Variants in SLA observed in about 807,000 individuals in gnomAD.
SLA encodes src-like-adapter.
Under a neutral mutation model 30.3 loss-of-function variants are expected in SLA, and 16 were observed. The observed-to-expected ratio is 0.53, with a 90% CI of 0.36 to 0.80. The LOEUF is 0.80. SLA is among the 30% of genes least tolerant of loss of function. The pLI is 0.01. For missense variants in SLA, 310 were observed against 345.2 expected (o/e 0.90, Z 0.81); for synonymous variants, 143 against 137.8 (o/e 1.04, Z -0.26).
At chr8:133,059,599 G>A (rs1006680080) in intron 3 of SLA, among the ~76,000 whole-genome samples, 3 of 152,034 alleles carry the variant, frequency 2.0e-5, no homozygotes, top group Non-Finnish European at 2.9e-5. Context: ...GGGACATAAG[G>A]TTTCCTTTGT....
At chr8:133,090,581 C>A (rs765190780) in intron 1 of SLA, among the ~76,000 whole-genome samples, 5 of 152,224 alleles carry the variant, frequency 3.3e-5, no homozygotes, top group African/African-American at 7.2e-5. Flanking sequence ...CGAGGAGTTT[C>A]ATCAAGTTAC....
chr8:133,046,565 AC>A (rs1839440306), intron 6 of SLA: 2 of 152,180 alleles, frequency 1.3e-5, no homozygotes, highest in South Asian at 4.1e-4. Flanking sequence ...GGCCTGCCAC[AC>A]CCACCCAGCC....
intron 3 of SLA, among the ~76,000 whole-genome samples, chr8:133,055,241 C>T (rs145168078): frequency 1.8e-4 from 27 of 152,180 alleles, no homozygotes; most frequent in African/African-American, 5.8e-4. Flanking sequence ...GGGAGCTGTA[C>T]AGCCCAGGGA....
chr8:133,093,119 G>GTTTTC (rs1171984030), intron 1 of SLA, among the ~76,000 whole-genome samples: 7 of 139,658 alleles, frequency 5.0e-5, no homozygotes, highest in South Asian at 2.2e-4. Flanking sequence ...GTGTGTGTGT[G>GTTTTC]TTTTCTTTTC....
At chr8:133,078,566 C>G (rs532589698) in intron 1 of SLA, among the ~76,000 whole-genome samples, 5 of 152,312 alleles carry the variant, frequency 3.3e-5, no homozygotes, top group South Asian at 2.1e-4. Context: ...ATTTTGTGCT[C>G]CATACATTCA....
intron 2 of SLA, chr8:133,064,221 G>A (rs527966941): frequency 1.2e-4 from 19 of 152,308 alleles, no homozygotes; most frequent in African/African-American, 3.8e-4. Flanking sequence ...TCCAAAGAGC[G>A]AGCCTGATAA....
At chr8:133,070,082 G>A (rs1044799488) in intron 2 of SLA, among the ~76,000 whole-genome samples, 1 of 151,900 alleles carries the variant, frequency 6.6e-6, no homozygotes, top group East Asian at 1.9e-4. Flanking sequence ...AACAATGTGG[G>A]CCTAGGAGAC....
Position 133,047,634 on chromosome 8 carries a change from C to T in SLA, c.352+196G>A, listed in dbSNP as rs776476166. On this transcript the variant is annotated intron_variant, in intron 6 of 8. Coordinates refer to ENST00000338087, the MANE Select transcript of SLA (RefSeq NM_001045556.3). ...GGCCCGTGGCAGTGCCCAGCCGGCT[C>T]CCCACTGCCTGTCTCTAGTCCCCTT... 8.3e-6 allele frequency: 5 copies of T among 599,152 alleles called. No homozygotes were observed. In the Admixed American group the frequency reaches 1.3e-4, roughly 16 times the overall value. The allele number at this position is 599,152 out of a possible 1,614,324, so 37.1% of individuals were successfully genotyped here. A position where few individuals can be genotyped will look rare whatever the true frequency, so the allele number is the denominator to read the frequency against.
chr8:133,095,338 G>T (rs1848243997), intron 1 of SLA: 2 of 1,274,278 alleles, frequency 1.6e-6, no homozygotes. Flanking sequence ...ACTGGAGCTG[G>T]AACTCACATT....
intron 3 of SLA, among the ~76,000 whole-genome samples, chr8:133,052,156 GCAGCCT>G (rs1840524672): frequency 6.6e-6 from 1 of 152,188 alleles, no homozygotes; most frequent in Non-Finnish European, 1.5e-5. Flanking sequence ...CATATGTCTT[GCAGCCT>G]CCGAGTCATA....
At chr8:133,074,162 G>A (rs961729368) in intron 2 of SLA, among the ~76,000 whole-genome samples, 5 of 152,142 alleles carry the variant, frequency 3.3e-5, no homozygotes, top group African/African-American at 9.7e-5. Context: ...GCTGTTTTCA[G>A]AATTTATATA....
chr8:133,068,877 G>A (rs962427033), intron 2 of SLA, among the ~76,000 whole-genome samples: 1 of 152,280 alleles, frequency 6.6e-6, no homozygotes, highest in African/African-American at 2.4e-5. Flanking sequence ...TCAGCCTGTG[G>A]CTCTGTTGGA....
chr8:133,093,596 C>T (rs1847927696), intron 1 of SLA, among the ~76,000 whole-genome samples: 1 of 152,182 alleles, frequency 6.6e-6, no homozygotes, highest in Non-Finnish European at 1.5e-5. Context: ...TCACAGCGGC[C>T]GTGTCCAGGA....
At chr8:133,087,392 T>G (rs1353607697) in intron 1 of SLA, among the ~76,000 whole-genome samples, 1 of 152,202 alleles carries the variant, frequency 6.6e-6, no homozygotes, top group Non-Finnish European at 1.5e-5. Context: ...GCAAGGCTTA[T>G]TGCTGGACCT....
At chr8:133,042,147 T>G (rs149828634) in intron 7 of SLA, among the ~76,000 whole-genome samples, 1 of 152,110 alleles carries the variant, frequency 6.6e-6, no homozygotes, top group African/African-American at 2.4e-5. Flanking sequence ...ATGAAGTAAC[T>G]TACTCAGGGC....
chr8:133,078,804 T>G (rs192199652), intron 1 of SLA, among the ~76,000 whole-genome samples: 144 of 152,354 alleles, frequency 9.5e-4, no homozygotes, highest in African/African-American at 3.3e-3. Flanking sequence ...ATGTATAACC[T>G]ATATTCAGAG....
chr8:133,063,241 C>T lies in SLA; in HGVS notation c.-40-3041G>A, dbSNP rs537806303. Among the ~76,000 whole-genome samples, 6 of 151,940 alleles carry T rather than the reference C, an allele frequency of 3.9e-5. No homozygotes were observed. The South Asian group carries it at 1.0e-3, about 26-fold the overall frequency. ...CCCAGAACCCCGCCCCCATAAGTTC[C>T]ACCCCTCCAGATGCCAGGGTGCCCC... is the stretch of plus-strand genomic sequence containing the variant. On this transcript the variant is annotated intron_variant, in intron 2 of 8. Coordinates refer to ENST00000338087, the MANE Select transcript of SLA (RefSeq NM_001045556.3).
At chr8:133,068,842 G>A (rs1843506814) in intron 2 of SLA, among the ~76,000 whole-genome samples, 1 of 152,260 alleles carries the variant, frequency 6.6e-6, no homozygotes, top group Non-Finnish European at 1.5e-5. Context: ...CCAACACAGG[G>A]ATGGTGAGGT....
chr8:133,046,972 C>T (rs148915474), intron 6 of SLA: 18 of 152,236 alleles, frequency 1.2e-4, no homozygotes, highest in Non-Finnish European at 2.5e-4. Flanking sequence ...AGAAGCAAGC[C>T]AAGAACTTGA....
Sources: gnomAD v4.1 joint callset for allele counts (sites outside exome capture counted in the v4.1 genomes callset) on GRCh38, gnomAD v4.1.1 for gene constraint, MANE v1.5 for transcripts, NCBI Gene and HGNC (gene_info 2026-07-23, HGNC 2026-07-21) for gene names.